The following GPR137C variants were observed in gnomAD, a reference collection of about 807,000 sequenced individuals.
GPR137C encodes G protein-coupled receptor 137C, also known as integral membrane protein GPR137C.
A neutral mutation model predicts 43.4 loss-of-function variants in GPR137C; 27 were observed. That is an observed-to-expected ratio of 0.62 (90% CI 0.46 to 0.86). GPR137C has a LOEUF of 0.86. GPR137C is among the 40% of genes least tolerant of loss of function. GPR137C has a pLI of 0.00. For missense variants in GPR137C, 522 were observed against 534.6 expected (o/e 0.98, Z 0.23); for synonymous variants, 285 against 226.9 (o/e 1.26, Z -2.30).
At chr14:52,593,364 G>C (rs533315490) in intron 1 of GPR137C, among the ~76,000 whole-genome samples, 2 of 152,248 alleles carry the variant, frequency 1.3e-5, no homozygotes, top group Admixed American at 1.3e-4. Flanking sequence ...TTAGGGAGGA[G>C]TCCCTCTTTT....
At chr14:52,594,231 G>A (rs1374750701) in intron 1 of GPR137C, among the ~76,000 whole-genome samples, 1 of 152,162 alleles carries the variant, frequency 6.6e-6, no homozygotes, top group African/African-American at 2.4e-5. Context: ...GTTCAGGAGT[G>A]TTTCACTTCC....
At chr14:52,563,720 T>C (rs984284513) in intron 1 of GPR137C, among the ~76,000 whole-genome samples, 43 of 152,208 alleles carry the variant, frequency 2.8e-4, no homozygotes, top group African/African-American at 1.0e-3. Context: ...TCCAATTATC[T>C]ATATAATTCA....
chr14:52,631,204 A>T (rs2139582914), intron 3 of GPR137C, among the ~76,000 whole-genome samples: 1 of 152,296 alleles, frequency 6.6e-6, no homozygotes, highest in South Asian at 2.1e-4. Context: ...TTTCATCTTC[A>T]TGACTGTCCA....
chr14:52,635,216 T>C lies in GPR137C; in HGVS notation c.*101T>C, dbSNP rs951564674. The C allele has an allele frequency of 1.0e-6, 1 of 958,190 alleles. No homozygotes were observed. The highest frequency in any genetic ancestry group is 1.7e-5 in the African/African-American group (1 of 58,514). The allele number at this position is 958,190 out of a possible 1,614,324, so 59.4% of individuals were successfully genotyped here. The stretch of plus-strand genomic sequence containing the variant: ...TAAACATTCCATTATCTGTTGCAAC[T>C]GAAAACAAAATCTGGAAGTGTGGCT... On this transcript the variant is annotated 3_prime_UTR_variant, in exon 7 of 7. Transcript: ENST00000321662.
intron 1 of GPR137C, among the ~76,000 whole-genome samples, chr14:52,581,085 A>G (rs936908540): frequency 1.1e-4 from 17 of 150,866 alleles, no homozygotes; most frequent in African/African-American, 4.1e-4. Flanking sequence ...AATCTCAGCT[A>G]CTCAGGAGGC....
chr14:52,567,389 A>G (rs1376143383), intron 1 of GPR137C, among the ~76,000 whole-genome samples: 2 of 152,238 alleles, frequency 1.3e-5, no homozygotes, highest in Non-Finnish European at 2.9e-5. Context: ...CACCTTTCTT[A>G]CATATAAACT....
intron 1 of GPR137C, among the ~76,000 whole-genome samples, chr14:52,566,972 G>A (rs1180822050): frequency 1.3e-5 from 2 of 152,184 alleles, no homozygotes; most frequent in Non-Finnish European, 2.9e-5. Context: ...AATTAGCTGA[G>A]CATGGTGGTG....
chr14:52,633,561 A>G lies in GPR137C; in HGVS notation c.899A>G (p.Tyr300Cys), dbSNP rs1196933728. The G allele has an allele frequency of 6.2e-7, 1 of 1,612,186 alleles. No individual in the cohort carries two copies. The highest frequency in any genetic ancestry group is 8.5e-7 in the Non-Finnish European group (1 of 1,178,454). ...AHVEDISGEE[Y>C]IVFGMVLFLW... ...GTAGAAGACATAAGTGGAGAAGAGT[A>G]TATAGTATTTGGAATGGTCCTCTTT... Residue 300 changes from tyrosine to cysteine, a missense_variant, in exon 5 of 7, where the codon TAT becomes TGT. This residue lies in a region of GPR137C where 437 missense variants were observed against 425.7 expected (regional missense o/e 1.03). Coordinates refer to ENST00000321662, the MANE Select transcript of GPR137C (RefSeq NM_001099652.2).
Position 52,553,393 on chromosome 14 carries a change from G to A in GPR137C, c.246G>A (p.Gln82=). The A allele has an allele frequency of 6.2e-7, 1 of 1,607,364 alleles. No individual in the cohort carries two copies. Among genetic ancestry groups the A allele is most frequent in the South Asian group, 1.1e-5 (1 of 91,068 alleles). The part of the protein sequence containing the change: ...LLYRERRLSY[Q]SLCLFLCLLW... ...ACCGCGAGCGGCGGCTGAGTTACCA[G>A]AGCCTCTGCCTCTTCCTCTGTCTCC... Residue 82 remains glutamine, a synonymous_variant, in exon 1 of 7, where the codon CAG becomes CAA. Transcript: ENST00000321662.
At chr14:52,589,361 T>TA (rs1389073593) in intron 1 of GPR137C, among the ~76,000 whole-genome samples, 1 of 152,156 alleles carries the variant, frequency 6.6e-6, no homozygotes, top group Non-Finnish European at 1.5e-5. Flanking sequence ...AACCATACAC[T>TA]AAAAAATGGT....
chr14:52,586,140 G>A (rs927109464), intron 1 of GPR137C, among the ~76,000 whole-genome samples: 13 of 152,196 alleles, frequency 8.5e-5, no homozygotes, highest in Admixed American at 5.2e-4. Flanking sequence ...GGAGGACAGC[G>A]TTCTCTACCT....
intron 1 of GPR137C, among the ~76,000 whole-genome samples, chr14:52,573,130 G>A (rs1044012746): frequency 2.6e-5 from 4 of 152,198 alleles, no homozygotes; most frequent in Non-Finnish European, 5.9e-5. Flanking sequence ...TCAATGTCGT[G>A]AAAATGGCCA....
In GPR137C at chr14:52,637,573, G is replaced by C. The variant is rs2039367211; in HGVS notation, c.*2458G>C. 1 of 151,886 alleles carries C rather than the reference G, an allele frequency of 6.6e-6. No homozygotes were observed. Among genetic ancestry groups the C allele is most frequent in the Non-Finnish European group, 1.5e-5 (1 of 67,920 alleles). The allele number at this position is 151,886 out of a possible 1,614,324, so 9.4% of individuals were successfully genotyped here. A position where few individuals can be genotyped will look rare whatever the true frequency, so the allele number is the denominator to read the frequency against. ...TTTATGCATAGCTGCCTTTTTTATT[G>C]TTTAACAGTGTTTCTCAGCTATATA... On this transcript the variant is annotated 3_prime_UTR_variant, in exon 7 of 7. Transcript: ENST00000321662.
intron 3 of GPR137C, among the ~76,000 whole-genome samples, chr14:52,610,597 C>A (rs766633059): frequency 6.6e-6 from 1 of 152,086 alleles, no homozygotes; most frequent in African/African-American, 2.4e-5. Context: ...AAAAGTAGTA[C>A]ATATCGGGTT....
intron 3 of GPR137C, among the ~76,000 whole-genome samples, chr14:52,610,866 C>T (rs1423741470): frequency 3.3e-5 from 5 of 152,172 alleles, no homozygotes; most frequent in Non-Finnish European, 7.4e-5. Context: ...TCAAGTCTGA[C>T]CATAGGTCTC....
intron 1 of GPR137C, among the ~76,000 whole-genome samples, chr14:52,568,213 C>T (rs1051012326): frequency 5.3e-5 from 8 of 152,122 alleles, no homozygotes; most frequent in African/African-American, 1.7e-4. Flanking sequence ...CAGGGAACTC[C>T]CTCCCCTAGT....
intron 1 of GPR137C, among the ~76,000 whole-genome samples, chr14:52,559,261 A>G (rs1028865969): frequency 1.3e-5 from 2 of 152,156 alleles, no homozygotes; most frequent in African/African-American, 4.8e-5. Context: ...CTGTAGTTCC[A>G]GCTACCCGGG....
chr14:52,578,694 G>A (rs2038600103), intron 1 of GPR137C, among the ~76,000 whole-genome samples: 1 of 152,116 alleles, frequency 6.6e-6, no homozygotes, highest in South Asian at 2.1e-4. Flanking sequence ...CCAGCACTTT[G>A]GGAGGCTGAG....
At chr14:52,569,138 G>A (rs1195778418) in intron 1 of GPR137C, among the ~76,000 whole-genome samples, 4 of 152,198 alleles carry the variant, frequency 2.6e-5, no homozygotes, top group African/African-American at 9.7e-5. Context: ...AGCCTCCGCT[G>A]GTGATACCCA....
Sources: gnomAD v4.1 joint callset for allele counts (sites outside exome capture counted in the v4.1 genomes callset) on GRCh38, gnomAD v4.1.1 for gene constraint, gnomAD v4.1.1 regional missense constraint, MANE v1.5 for transcripts, NCBI Gene and HGNC (gene_info 2026-07-23, HGNC 2026-07-21) for gene names.